The following ABHD6 variants were observed in gnomAD, a reference collection of about 807,000 sequenced individuals.
ABHD6 encodes monoacylglycerol lipase ABHD6.
ABHD6 carries 33 observed loss-of-function variants against 38.8 expected under a neutral mutation model. That is an observed-to-expected ratio of 0.85 (90% confidence interval 0.64 to 1.14). The LOEUF (loss-of-function observed/expected upper bound fraction) is 1.14. Ranked by LOEUF, ABHD6 falls within the 50% of genes most tolerant of loss-of-function variation. The pLI is 0.00. For synonymous variants in ABHD6, 147 were observed against 161.6 expected (o/e 0.91, Z 0.69); for missense variants, 380 against 422.6 (o/e 0.90, Z 0.88).
At chr3:58,281,772 G>A (rs891765326) in intron 7 of ABHD6, among the ~76,000 whole-genome samples, 4 of 152,088 alleles carry the variant, frequency 2.6e-5, no homozygotes, top group African/African-American at 9.7e-5. Context: ...GAACCCAAAG[G>A]GTTTTTATTT....
In ABHD6 at chr3:58,269,374, C is replaced by T. The variant is rs1175913545; in HGVS notation, c.330C>T (p.Gly110=). Residue 110 remains glycine (G), a synonymous_variant, in exon 5 of 10, where the codon GGC becomes GGT. Transcript: ENST00000478253. This position sits in a 1 kb window ranked among gnomAD's most constrained non-coding sequence, Gnocchi z 4.4. ...LVCVDMPGHE[G]TTRSSLDDLS... ...GCGTGGACATGCCAGGACATGAGGG[C>T]ACCACCCGCTCCTCCCTGGATGACC... 3 of 1,613,974 alleles carry T rather than the reference C, an allele frequency of 1.9e-6. No homozygotes were observed. The highest frequency in any genetic ancestry group is 2.5e-6 in the Non-Finnish European group (3 of 1,179,912).
At chr3:58,245,792 G>T (rs1241496694) in intron 1 of ABHD6, among the ~76,000 whole-genome samples, 2 of 145,550 alleles carry the variant, frequency 1.4e-5, no homozygotes, top group East Asian at 4.2e-4. Context: ...AAAAAAGAAA[G>T]AAAGAAGGAA....
chr3:58,272,777 A>C (rs961744996), intron 6 of ABHD6, among the ~76,000 whole-genome samples: 2 of 152,238 alleles, frequency 1.3e-5, no homozygotes, highest in African/African-American at 4.8e-5. Context: ...AAAACTAAAA[A>C]GTAGAAATAA....
At chr3:58,288,798 A>G (rs2097459372) in intron 9 of ABHD6, among the ~76,000 whole-genome samples, 1 of 152,176 alleles carries the variant, frequency 6.6e-6, no homozygotes, top group Non-Finnish European at 1.5e-5. Flanking sequence ...GTGAGATGAG[A>G]GAGATGTGTC....
At position 58,259,280 on chromosome 3, in the gene ABHD6, G is replaced by C. The variant is rs1386257749; in HGVS notation, c.119+2575G>C. Among the ~76,000 whole-genome samples, 1 of 152,130 alleles carries C rather than the reference G, an allele frequency of 6.6e-6. No homozygotes were observed. The highest frequency in any genetic ancestry group is 2.4e-5 in the African/African-American group (1 of 41,430). On this transcript the variant is annotated intron_variant, in intron 3 of 9. Transcript: ENST00000478253. The surrounding 1 kb of genome is among the most constrained non-coding windows in gnomAD (Gnocchi z 4.7). ...AGGCTTTCAGAGTAAGGGTGTTAGGGTAATTTTGATGTTTCATTTGTAATG... is the reference window on the plus strand; with the variant it reads ...AGGCTTTCAGAGTAAGGGTGTTAGGCTAATTTTGATGTTTCATTTGTAATG...
chr3:58,242,270 C>T (rs2097423370), intron 1 of ABHD6, among the ~76,000 whole-genome samples: 1 of 152,134 alleles, frequency 6.6e-6, no homozygotes, highest in Non-Finnish European at 1.5e-5. Flanking sequence ...AAGTGGCCTT[C>T]AACATCATGC....
Position 58,252,690 on chromosome 3 carries a change from T to C in ABHD6, c.-26+2748T>C, listed in dbSNP as rs867413249. Reference sequence around the variant, plus strand: ...TCTTGCAAACTCTCAGTTGTATGGGTGCCATGCTTTGGGAAACTCAAGTTA... The same window carrying C: ...TCTTGCAAACTCTCAGTTGTATGGGCGCCATGCTTTGGGAAACTCAAGTTA... On this transcript the variant is annotated intron_variant, in intron 2 of 9. Transcript: ENST00000478253. Among the ~76,000 whole-genome samples the C allele has an allele frequency of 5.3e-5, 8 of 152,354 alleles. No individual in the cohort carries two copies. The Middle Eastern group carries it at 0.014, about 259-fold the overall frequency.
intron 7 of ABHD6, among the ~76,000 whole-genome samples, chr3:58,275,155 C>T (rs899835986): frequency 1.3e-5 from 2 of 151,982 alleles, no homozygotes; most frequent in South Asian, 2.1e-4. Flanking sequence ...TGATAAGCCT[C>T]TTCTAGGGAC....
rs925331782 is a variant in ABHD6 at position 58,263,479 on chromosome 3, T to C, written c.120-3710T>C. Among the ~76,000 whole-genome samples the C allele has an allele frequency of 6.6e-6, 1 of 152,162 alleles. No homozygotes were observed. Among genetic ancestry groups the C allele is most frequent in the Admixed American group, 6.5e-5 (1 of 15,278 alleles). ...TTGTCCAGTGGATGTACCAATTAAA[T>C]GAAAAATATCGAGTAGTACCAAAGA... On this transcript the variant is annotated intron_variant, in intron 3 of 9. Transcript: ENST00000478253. The surrounding 1 kb of genome is among the most constrained non-coding windows in gnomAD (Gnocchi z 4.9).
At chr3:58,258,275 C>T in intron 3 of ABHD6, 1 of 356,890 alleles carries the variant, frequency 2.8e-6, no homozygotes, top group Non-Finnish European at 5.7e-6. Flanking sequence ...CCATTGCACT[C>T]CAGCCTGGGC....
chr3:58,275,964 C>T (rs896210043), intron 7 of ABHD6, among the ~76,000 whole-genome samples: 38 of 152,148 alleles, frequency 2.5e-4, no homozygotes, highest in African/African-American at 8.5e-4. Flanking sequence ...TTTATGGCTG[C>T]GTAGTATTCC....
rs1292730263 is a variant in ABHD6, at chr3:58,256,118, CT to C, written c.-25-443del. ...ACACACACACACACACATACACACACTACTTTTTCTCTCCTGAACCTTTAAA... is the reference window on the plus strand; with the variant it reads ...ACACACACACACACACATACACACACACTTTTTCTCTCCTGAACCTTTAAA... On this transcript the variant is annotated intron_variant, in intron 2 of 9. Coordinates refer to ENST00000478253, the MANE Select transcript of ABHD6 (RefSeq NM_001320126.2). The surrounding 1 kb of genome is among the most constrained non-coding windows in gnomAD (Gnocchi z 4.3). 2.7e-5 allele frequency among the ~76,000 whole-genome samples: 4 copies of C among 148,050 alleles called. No individual in the cohort carries two copies. In the East Asian group the frequency reaches 6.0e-4, roughly 22 times the overall value.
intron 1 of ABHD6, among the ~76,000 whole-genome samples, chr3:58,245,856 C>T (rs1298551837): frequency 6.6e-6 from 1 of 151,922 alleles, no homozygotes; most frequent in Non-Finnish European, 1.5e-5. Flanking sequence ...AAAAGAAAGG[C>T]AAAACTGTCT....
intron 9 of ABHD6, among the ~76,000 whole-genome samples, chr3:58,286,846 G>GTTTATATATATATATATA (rs57921434): frequency 1.1e-5 from 1 of 90,224 alleles, no homozygotes; most frequent in Non-Finnish European, 2.2e-5. Context: ...GTGTGTGTGT[G>GTTTATATATATATATATA]TGTGTGTATA....
Position 58,248,960 on chromosome 3 carries a change from CT to C in ABHD6, c.-90-913del, listed in dbSNP as rs2097428262. Among the ~76,000 whole-genome samples, 4 of 152,270 alleles carry C rather than the reference CT, an allele frequency of 2.6e-5. No homozygotes were observed. The South Asian group carries it at 8.3e-4, about 32-fold the overall frequency. On this transcript the variant is annotated intron_variant, in intron 1 of 9. Transcript: ENST00000478253. ...TCTTATTATAAATGAGATTGAGCAT[CT>C]TTTTATATGTTTAAGAGTCATTTGT...
At chr3:58,244,263 C>G (rs550247307) in intron 1 of ABHD6, among the ~76,000 whole-genome samples, 1 of 152,310 alleles carries the variant, frequency 6.6e-6, no homozygotes, top group African/African-American at 2.4e-5. Flanking sequence ...AATGTGAGAT[C>G]TGCCAACAAT....
chr3:58,269,318 C>T lies in ABHD6; in HGVS notation c.277-3C>T, dbSNP rs1402755418. ...CTGACTCTCTGGGTCTGTGTGTCCT[C>T]AGTTCCTTCCAAAGAACCTGCACTT... On this transcript the variant is annotated splice_polypyrimidine_tract_variant and splice_region_variant and intron_variant, in intron 4 of 9. Transcript: ENST00000478253. The surrounding 1 kb of genome is among the most constrained non-coding windows in gnomAD (Gnocchi z 4.4). 8 of 1,611,858 alleles carry T rather than the reference C, an allele frequency of 5.0e-6. No individual in the cohort carries two copies. In the East Asian group the frequency reaches 1.8e-4, roughly 36 times the overall value.
Position 58,273,797 on chromosome 3 carries a change from C to T in ABHD6, c.524-861C>T, listed in dbSNP as rs779277678. 5.9e-5 allele frequency among the ~76,000 whole-genome samples: 9 copies of T among 151,976 alleles called. No homozygotes were observed. The highest frequency in any genetic ancestry group is 1.9e-4 in the East Asian group (1 of 5,174). ...CATGAGGGACTTAAAACCTAGATGACGGGTTGATAGGTGCAGCAAACCACC... is the reference window on the plus strand; with the variant it reads ...CATGAGGGACTTAAAACCTAGATGATGGGTTGATAGGTGCAGCAAACCACC... On this transcript the variant is annotated intron_variant, in intron 6 of 9. Coordinates refer to ENST00000478253, the MANE Select transcript of ABHD6 (RefSeq NM_001320126.2). This position sits in a 1 kb window ranked among gnomAD's most constrained non-coding sequence, Gnocchi z 4.8.
intron 1 of ABHD6, among the ~76,000 whole-genome samples, chr3:58,244,807 T>G (rs1299055536): frequency 6.6e-6 from 1 of 152,174 alleles, no homozygotes; most frequent in African/African-American, 2.4e-5. Flanking sequence ...ACCTAAATTT[T>G]GCTTGGTATT....
Sources: gnomAD v4.1 joint callset for allele counts (sites outside exome capture counted in the v4.1 genomes callset) on GRCh38, gnomAD v4.1.1 for gene constraint, Gnocchi (gnomAD v3.1) non-coding constraint, MANE v1.5 for transcripts, NCBI Gene and HGNC (gene_info 2026-07-23, HGNC 2026-07-21) for gene names.